Variants in DENND2C observed in about 807,000 individuals in gnomAD.
DENND2C encodes DENN domain-containing protein 2C.
A neutral mutation model predicts 112.4 loss-of-function variants in DENND2C; 72 were observed. The ratio of observed to expected loss-of-function variants is 0.64; its 90% CI spans 0.53 to 0.78. The LOEUF (loss-of-function observed/expected upper bound fraction) is 0.78, where lower values mean the gene tolerates loss of function less well. Ranked by LOEUF, DENND2C falls within the 30% of genes least tolerant of loss-of-function variation. DENND2C has a pLI of 0.00. For synonymous variants in DENND2C, 329 were observed against 381.6 expected (o/e 0.86, Z 1.61); for missense variants, 992 against 1,113.8 (o/e 0.89, Z 1.56).
intron 2 of DENND2C, among the ~76,000 whole-genome samples, chr1:114,652,755 C>T (rs769803078): frequency 6.7e-4 from 100 of 148,768 alleles, no homozygotes; most frequent in Middle Eastern, 3.3e-3. Flanking sequence ...AATCATGGTG[C>T]ACTACAGCCT....
chr1:114,669,009 A>T (rs1433704447), intron 1 of DENND2C, among the ~76,000 whole-genome samples: 1 of 152,222 alleles, frequency 6.6e-6, no homozygotes, highest in Non-Finnish European at 1.5e-5. Flanking sequence ...AGAAAATTTC[A>T]TCAATCATTT....
At chr1:114,612,808 G>A (rs1234315281) in intron 8 of DENND2C, among the ~76,000 whole-genome samples, 2 of 151,786 alleles carry the variant, frequency 1.3e-5, no homozygotes, top group Non-Finnish European at 1.5e-5. Flanking sequence ...ATGAGCCACC[G>A]CACCCAGCCA....
At chr1:114,608,896 TG>T (rs1655734379) in intron 9 of DENND2C, 23 bp from the exon 10 acceptor site, 1 of 1,613,348 alleles carries the variant, frequency 6.2e-7, no homozygotes, top group African/African-American at 1.3e-5. Context: ...CATGGAGAAA[TG>T]TTTTTTTCTC....
intron 8 of DENND2C, among the ~76,000 whole-genome samples, chr1:114,613,370 T>C (rs978972490): frequency 5.3e-5 from 8 of 152,332 alleles, no homozygotes; most frequent in African/African-American, 1.9e-4. Context: ...CTCTGGCTTT[T>C]CATTTTATAA....
At chr1:114,600,043 A>G (rs1246757029) in intron 15 of DENND2C, among the ~76,000 whole-genome samples, 161 bp downstream of exon 15, 1 of 152,162 alleles carries the variant, frequency 6.6e-6, no homozygotes, top group African/African-American at 2.4e-5. Context: ...GGTGCAGCAC[A>G]CCAACATGGC....
At chr1:114,631,790 GA>G (rs965701510) in intron 3 of DENND2C, among the ~76,000 whole-genome samples, 2 of 149,376 alleles carry the variant, frequency 1.3e-5, no homozygotes, top group East Asian at 1.9e-4. Flanking sequence ...TCAAAAAAGA[GA>G]AAAAAAAAGT....
intron 6 of DENND2C, 54 bp downstream of exon 6, chr1:114,622,933 T>C: frequency 7.2e-7 from 1 of 1,383,796 alleles, no homozygotes; most frequent in Non-Finnish European, 1.0e-6. Context: ...AATCTTTTTG[T>C]AGATACCATG....
intron 3 of DENND2C, among the ~76,000 whole-genome samples, chr1:114,629,281 C>CT (rs1163792110): frequency 6.6e-6 from 1 of 152,048 alleles, no homozygotes; most frequent in Non-Finnish European, 1.5e-5. Flanking sequence ...TCAAGCATGA[C>CT]TTTTTTCTTT....
chr1:114,612,076 A>C (rs1288981266), intron 8 of DENND2C, among the ~76,000 whole-genome samples: 1 of 152,200 alleles, frequency 6.6e-6, no homozygotes, highest in Non-Finnish European at 1.5e-5. Context: ...AAAAAGCACA[A>C]CAGAAAAAGG....
At chr1:114,634,594 T>C (rs1656594243) in intron 3 of DENND2C, among the ~76,000 whole-genome samples, 1 of 152,170 alleles carries the variant, frequency 6.6e-6, no homozygotes, top group South Asian at 2.1e-4. Flanking sequence ...ATACTGAGAA[T>C]GTTCTCTAGC....
intron 6 of DENND2C, among the ~76,000 whole-genome samples, chr1:114,622,531 C>T (rs1416471441): frequency 6.6e-6 from 1 of 152,100 alleles, no homozygotes; most frequent in Non-Finnish European, 1.5e-5. Context: ...ATTTCTTTCT[C>T]ACCATTTGTA....
intron 1 of DENND2C, among the ~76,000 whole-genome samples, chr1:114,668,139 A>G (rs1480377874): frequency 6.6e-6 from 1 of 152,192 alleles, no homozygotes; most frequent in Admixed American, 6.5e-5. Flanking sequence ...CCCTCAAAAA[A>G]CAATGTGAAT....
At chr1:114,619,901 G>A (rs1656116769) in intron 7 of DENND2C, among the ~76,000 whole-genome samples, 1 of 152,186 alleles carries the variant, frequency 6.6e-6, no homozygotes, top group African/African-American at 2.4e-5. Context: ...GAGCCTTCTA[G>A]TTACAAGAAA....
At chr1:114,649,752 A>G (rs536200837) in intron 2 of DENND2C, among the ~76,000 whole-genome samples, 13 of 152,154 alleles carry the variant, frequency 8.5e-5, no homozygotes, top group Non-Finnish European at 1.5e-4. Flanking sequence ...AGGCAGCAAA[A>G]TCATTACTAA....
At position 114,654,058 on chromosome 1, in the gene DENND2C, C is replaced by T. The variant is rs573106628; in HGVS notation, c.-317+447G>A. Among the ~76,000 whole-genome samples the T allele has an allele frequency of 2.2e-4, 34 of 152,240 alleles. No homozygotes were observed. The Middle Eastern group carries it at 0.01, about 46-fold the overall frequency. ...AATTTATAGTTAATATGGATACGCACCAAAAAGCTAACAATGATTATCTCT... is the reference window on the plus strand; with the variant it reads ...AATTTATAGTTAATATGGATACGCATCAAAAAGCTAACAATGATTATCTCT... On this transcript the variant is annotated intron_variant, in intron 2 of 20. Transcript: ENST00000393274.
intron 20 of DENND2C, 149 bp from the exon 21 acceptor site, chr1:114,585,780 AC>A (rs1230391840): frequency 1.4e-6 from 1 of 721,500 alleles, no homozygotes; most frequent in African/African-American, 1.8e-5. Flanking sequence ...AACCCCCAAA[AC>A]AAAAACAAAA....
At chr1:114,615,717 A>G (rs1028313263) in intron 8 of DENND2C, among the ~76,000 whole-genome samples, 1 of 152,232 alleles carries the variant, frequency 6.6e-6, no homozygotes, top group African/African-American at 2.4e-5. Flanking sequence ...TGTAACCCAG[A>G]AGATTTTATT....
intron 8 of DENND2C, among the ~76,000 whole-genome samples, chr1:114,611,941 T>A (rs1655832125): frequency 6.6e-6 from 1 of 152,200 alleles, no homozygotes; most frequent in Non-Finnish European, 1.5e-5. Flanking sequence ...TATAAACTTG[T>A]ATCTAATTTA....
chr1:114,610,953 A>C, intron 9 of DENND2C, 120 bp downstream of exon 9: 3 of 1,137,098 alleles, frequency 2.6e-6, no homozygotes, highest in Non-Finnish European at 2.6e-6. Flanking sequence ...GAAAATAAGG[A>C]AATCATCTAC....
Sources: allele counts gnomAD v4.1 joint callset (sites outside exome capture counted in the v4.1 genomes callset), GRCh38; gene constraint gnomAD v4.1.1; transcripts MANE v1.5; gene names NCBI Gene and HGNC (gene_info 2026-07-23, HGNC 2026-07-21).